Variants in DLGAP2 observed in about 807,000 individuals in gnomAD.
The protein encoded by DLGAP2 is disks large-associated protein 2.
In DLGAP2, 26 loss-of-function variants were observed where a neutral mutation model predicts 100.3. The ratio of observed to expected loss-of-function variants is 0.26; its 90% CI spans 0.19 to 0.36. The LOEUF is 0.36. Among genes scored for constraint, DLGAP2 ranks in the 10% least tolerant of loss-of-function variants. DLGAP2 has a pLI of 1.00. For synonymous variants in DLGAP2, 886 were observed against 630.1 expected (o/e 1.41, Z -6.08); for missense variants, 1,858 against 1,453.2 (o/e 1.28, Z -4.53).
chr8:879,085 G>A (rs1361536114), intron 1 of DLGAP2, among the ~76,000 whole-genome samples: 3 of 152,134 alleles, frequency 2.0e-5, no homozygotes, highest in African/African-American at 4.8e-5. Context: ...ATTACATTAT[G>A]TTCTTTATTT....
intron 2 of DLGAP2, among the ~76,000 whole-genome samples, chr8:953,777 C>T (rs1329935566): frequency 6.6e-6 from 1 of 151,006 alleles, no homozygotes; most frequent in East Asian, 1.9e-4. Context: ...AAATTGAGTG[C>T]TTCCGTTTAA....
intron 1 of DLGAP2, among the ~76,000 whole-genome samples, chr8:863,755 A>G (rs892340707): frequency 6.6e-6 from 1 of 152,126 alleles, no homozygotes; most frequent in South Asian, 2.1e-4. Context: ...GAGGGAGGGG[A>G]ACTCTTACAC....
intron 3 of DLGAP2, among the ~76,000 whole-genome samples, chr8:1,356,705 T>G (rs1029168807): frequency 1.3e-5 from 2 of 152,096 alleles, no homozygotes; most frequent in African/African-American, 4.8e-5. Flanking sequence ...TTCGCCACAA[T>G]GTAACCCTAC....
At chr8:1,510,248 C>T (rs902904372) in intron 4 of DLGAP2, among the ~76,000 whole-genome samples, 9 of 152,200 alleles carry the variant, frequency 5.9e-5, no homozygotes, top group Non-Finnish European at 1.0e-4. Flanking sequence ...ACAGCGATAA[C>T]TTGCTGATGT....
intron 1 of DLGAP2, among the ~76,000 whole-genome samples, chr8:746,273 A>G (rs1168187836): frequency 6.6e-6 from 1 of 152,222 alleles, no homozygotes; most frequent in Non-Finnish European, 1.5e-5. Context: ...GCATCTGTTG[A>G]ACGTTTCCTA....
rs1303055806 is a variant in DLGAP2 at position 1,683,854 on chromosome 8, ATATGTGTGTGTGTG to A, written c.2704+5227_2704+5240del. On this transcript the variant is annotated intron_variant, in intron 12 of 14. Transcript: ENST00000637795. ...CTCCACTATATATATATATATATAT[ATATGTGTGTGTGTG>A]TGTGTGTGTGTGTGTGTGTGTGTGT... Among the ~76,000 whole-genome samples, 7 of 72,948 alleles carry A rather than the reference ATATGTGTGTGTGTG, an allele frequency of 9.6e-5. 1 individual carries two copies. The highest frequency in any genetic ancestry group is 5.9e-4 in the African/African-American group (7 of 11,788). The allele number at this position is 72,948 out of a possible 152,430, so 47.9% of individuals were successfully genotyped here. A position where few individuals can be genotyped will look rare whatever the true frequency, so the allele number is the denominator to read the frequency against.
chr8:1,075,769 G>C (rs1803586281), intron 2 of DLGAP2, among the ~76,000 whole-genome samples: 1 of 151,976 alleles, frequency 6.6e-6, no homozygotes, highest in Admixed American at 6.5e-5. Flanking sequence ...ATGGTTCTTT[G>C]TAAAGATAGC....
At chr8:1,126,250 A>T (rs558467573) in intron 2 of DLGAP2, among the ~76,000 whole-genome samples, 1 of 152,302 alleles carries the variant, frequency 6.6e-6, no homozygotes, top group South Asian at 2.1e-4. Context: ...AAATAGGTTG[A>T]TTTTTTTAAG....
chr8:1,213,641 C>T (rs998612985), intron 2 of DLGAP2, among the ~76,000 whole-genome samples: 5 of 152,230 alleles, frequency 3.3e-5, no homozygotes, highest in Non-Finnish European at 7.4e-5. Flanking sequence ...AGGGAGCTTC[C>T]CGTCTTTCTC....
At position 1,430,324 on chromosome 8, in the gene DLGAP2, G is replaced by A. The variant is rs373746152; in HGVS notation, c.107-71042G>A. On this transcript the variant is annotated intron_variant, in intron 3 of 14. Transcript: ENST00000637795. ...AATAGTACAGATTAAATCTTTAGTG[G>A]CTTCATTGCTTTATAGAGGAACTTA... 6.6e-5 allele frequency among the ~76,000 whole-genome samples: 10 copies of A among 152,112 alleles called. No homozygotes were observed. In the East Asian group the frequency reaches 1.7e-3, roughly 27 times the overall value.
chr8:1,214,995 T>G (rs548034545), intron 2 of DLGAP2, among the ~76,000 whole-genome samples: 2 of 152,236 alleles, frequency 1.3e-5, no homozygotes, highest in Non-Finnish European at 2.9e-5. Flanking sequence ...CTCTGTGCTC[T>G]TGTATCTCAC....
intron 2 of DLGAP2, among the ~76,000 whole-genome samples, chr8:1,094,774 G>A (rs112873922): frequency 1.4e-4 from 21 of 152,200 alleles, no homozygotes. Flanking sequence ...TTCTCTTAGC[G>A]TGGGCATGGC....
chr8:1,251,689 C>A (rs11984803), intron 2 of DLGAP2, among the ~76,000 whole-genome samples: 1 of 152,068 alleles, frequency 6.6e-6, no homozygotes, highest in Non-Finnish European at 1.5e-5. Flanking sequence ...GTCATGTGAT[C>A]GTGGAGTCAG....
chr8:1,597,170 G>C (rs1265958200), intron 6 of DLGAP2, among the ~76,000 whole-genome samples: 1 of 152,112 alleles, frequency 6.6e-6, no homozygotes, highest in Non-Finnish European at 1.5e-5. Context: ...AGATCAGATG[G>C]TCGTAGATGT....
intron 2 of DLGAP2, among the ~76,000 whole-genome samples, chr8:1,176,175 C>A (rs1458246169): frequency 2.0e-5 from 3 of 151,780 alleles, no homozygotes; most frequent in Non-Finnish European, 4.4e-5. Context: ...GAAGGGGAAG[C>A]AAGGCACGTG....
intron 2 of DLGAP2, among the ~76,000 whole-genome samples, chr8:1,099,210 G>A (rs560776696): frequency 2.2e-4 from 33 of 152,278 alleles, no homozygotes; most frequent in African/African-American, 7.7e-4. Context: ...GATCCTCTCC[G>A]AATGCGTAGT....
At chr8:1,172,010 A>C (rs1416906540) in intron 2 of DLGAP2, among the ~76,000 whole-genome samples, 2 of 152,164 alleles carry the variant, frequency 1.3e-5, no homozygotes, top group Non-Finnish European at 2.9e-5. Context: ...ATGATTTTGC[A>C]GTGGCTGGTA....
At chr8:1,509,879 C>A (rs4875869) in intron 4 of DLGAP2, among the ~76,000 whole-genome samples, 90,932 of 151,972 alleles carry the variant, frequency 0.6, 27,860 homozygotes, top group South Asian at 0.79. Flanking sequence ...CCCAGCATCA[C>A]CTGTCCAGGT....
At chr8:1,692,726 C>T (rs551634029) in intron 13 of DLGAP2, among the ~76,000 whole-genome samples, 5 of 152,050 alleles carry the variant, frequency 3.3e-5, no homozygotes, top group Admixed American at 2.6e-4. Context: ...AATAATTTAG[C>T]CTTTGTATTT....
Sources: allele counts gnomAD v4.1 joint callset (sites outside exome capture counted in the v4.1 genomes callset), GRCh38; gene constraint gnomAD v4.1.1; transcripts MANE v1.5; gene names NCBI Gene and HGNC (gene_info 2026-07-23, HGNC 2026-07-21).